Variants in PCDHA10 observed in about 807,000 individuals in gnomAD.
The protein encoded by PCDHA10 is protocadherin alpha 10, also known as protocadherin alpha-10.
A neutral mutation model predicts 61.2 loss-of-function variants in PCDHA10; 45 were observed. That is an observed-to-expected ratio of 0.74 (90% CI 0.58 to 0.94). The LOEUF is 0.94. Ranked by LOEUF, PCDHA10 falls within the 40% of genes least tolerant of loss-of-function variation. The pLI, the probability that PCDHA10 is intolerant of heterozygous loss-of-function variation, is 0.00. For synonymous variants in PCDHA10, 602 were observed against 548.8 expected, an observed-to-expected ratio of 1.10 and a Z score of -1.35; for missense variants, 1,278 against 1,236.2, an observed-to-expected ratio of 1.03 and a Z score of -0.51.
intron 1 of PCDHA10, chr5:140,865,406 G>A (rs899888055): frequency 4.6e-5 from 7 of 152,130 alleles, no homozygotes; most frequent in African/African-American, 1.4e-4. Flanking sequence ...ATGCTGAAAA[G>A]GAATTAGTAG....
intron 1 of PCDHA10, among the ~76,000 whole-genome samples, chr5:140,951,214 T>C (rs994639576): frequency 1.3e-5 from 2 of 152,218 alleles, no homozygotes; most frequent in African/African-American, 2.4e-5. Context: ...ATCTCAGGTT[T>C]GGATTCTTGA....
At chr5:140,985,310 TG>T (rs1563522847) in intron 3 of PCDHA10, among the ~76,000 whole-genome samples, 2 of 152,196 alleles carry the variant, frequency 1.3e-5, no homozygotes, top group African/African-American at 4.8e-5. Flanking sequence ...GATAGCCTGG[TG>T]GCCAGAATTC....
chr5:140,914,473 G>A (rs1162580496), intron 1 of PCDHA10, among the ~76,000 whole-genome samples: 1 of 152,116 alleles, frequency 6.6e-6, no homozygotes, highest in Admixed American at 6.6e-5. Flanking sequence ...TATCTTCATA[G>A]GTGAAGTGTT....
chr5:140,909,343 C>G (rs148713510), intron 1 of PCDHA10, among the ~76,000 whole-genome samples: 2 of 152,264 alleles, frequency 1.3e-5, no homozygotes, highest in African/African-American at 4.8e-5. Context: ...ATACCAGGTA[C>G]CAAGAGATGT....
chr5:140,986,736 A>C (rs1056820843), intron 3 of PCDHA10, among the ~76,000 whole-genome samples: 1 of 152,206 alleles, frequency 6.6e-6, no homozygotes, highest in South Asian at 2.1e-4. Context: ...TCAAGACCCC[A>C]GGGGATCTGG....
In PCDHA10 at chr5:140,941,764, A is replaced by G. The variant is rs116374830; in HGVS notation, c.2389-37185A>G. 5.7e-3 allele frequency among the ~76,000 whole-genome samples: 869 copies of G among 152,306 alleles called. 7 individuals are homozygous for G. Among genetic ancestry groups the G allele is most frequent in the African/African-American group, 0.018 (768 of 41,560 alleles). ...TTATCAGATTTTCAGTGCTTTTAAG[A>G]TAATTGTTTTAATGTTTTACCCAAG... On this transcript the variant is annotated intron_variant, in intron 1 of 3. Coordinates refer to ENST00000307360, the MANE Select transcript of PCDHA10 (RefSeq NM_018901.4).
intron 1 of PCDHA10, among the ~76,000 whole-genome samples, chr5:140,947,229 G>GA (rs201242412): frequency 9.4e-5 from 14 of 148,904 alleles, no homozygotes; most frequent in South Asian, 2.1e-4. Context: ...TTTATGACAG[G>GA]AAAAAAAAAT....
At chr5:140,877,116 C>T in intron 1 of PCDHA10, 4 of 1,613,672 alleles carry the variant, frequency 2.5e-6, no homozygotes, top group Non-Finnish European at 2.5e-6. Context: ...TGGGCAGCAA[C>T]GTGACGCTGC....
chr5:140,868,900 G>A (rs2050728202), intron 1 of PCDHA10: 1 of 811,546 alleles, frequency 1.2e-6, no homozygotes, highest in Non-Finnish European at 1.9e-6. Flanking sequence ...GCAAGGTGTC[G>A]CTCTTTACTT....
chr5:140,856,264 C>A lies in PCDHA10; in HGVS notation c.216C>A (p.Asp72Glu), dbSNP rs1309055685. The change falls in exon 1 of 4, where the codon GAC (aspartate) becomes GAA (glutamate). Residue 72 changes from aspartate to glutamate, a missense_variant. Physicochemically the swap from Asp to Glu is conservative, Grantham distance 45 (BLOSUM62 2). Coordinates refer to ENST00000307360, the MANE Select transcript of PCDHA10 (RefSeq NM_018901.4). ...GGGTGGCGTCCAAAAGACACGGGGA[C>A]CTTCTGGAGGTAAATCTGCAGAATG... ...LFRVASKRHG[D>E]LLEVNLQNGI... is the part of the protein sequence containing the mutation. 7 of 1,598,114 alleles carry A rather than the reference C, an allele frequency of 4.4e-6. No homozygotes were observed. The highest frequency in any genetic ancestry group is 3.3e-5 in the South Asian group (3 of 90,516).
At chr5:140,868,633 C>T (rs1554162141) in intron 1 of PCDHA10, 1 of 154,552 alleles carries the variant, frequency 6.5e-6, no homozygotes, top group Non-Finnish European at 1.4e-5. Flanking sequence ...AATTCTCTTT[C>T]TCTCTCACTC....
At chr5:140,991,205 A>C (rs1403144779) in intron 3 of PCDHA10, among the ~76,000 whole-genome samples, 3 of 152,226 alleles carry the variant, frequency 2.0e-5, no homozygotes, top group Admixed American at 2.0e-4. Context: ...TGCTCAATAA[A>C]TTTTGTTAAA....
chr5:140,882,926 C>A (rs144073627), intron 1 of PCDHA10: 1 of 1,614,058 alleles, frequency 6.2e-7, no homozygotes, highest in Non-Finnish European at 8.5e-7. Flanking sequence ...TGGAGGTAAA[C>A]CCGAGCTGAC....
intron 1 of PCDHA10, among the ~76,000 whole-genome samples, chr5:140,963,203 AAAAC>A (rs1457721166): frequency 6.6e-6 from 1 of 152,100 alleles, no homozygotes; most frequent in African/African-American, 2.4e-5. Context: ...AATGAAAAAA[AAAAC>A]CTCGTGTTTA....
chr5:140,957,948 G>C (rs2153715688), intron 1 of PCDHA10, among the ~76,000 whole-genome samples: 1 of 152,152 alleles, frequency 6.6e-6, no homozygotes, highest in Non-Finnish European at 1.5e-5. Flanking sequence ...AGATCTTTAA[G>C]ACTATTAATT....
chr5:140,870,823 G>A (rs971082881), intron 1 of PCDHA10: 1 of 1,613,762 alleles, frequency 6.2e-7, no homozygotes, highest in Non-Finnish European at 8.5e-7. Flanking sequence ...CAGCGCGGGA[G>A]GCGCAGTTAA....
chr5:140,988,558 T>C lies in PCDHA10; in HGVS notation c.2536+5995T>C, dbSNP rs982984587. ...CCATTCATGACTTTCTTCATCTTCT[T>C]CTTGGGAAAACACTCTGTACCTTCC... On this transcript the variant is annotated intron_variant, in intron 3 of 3. Transcript: ENST00000307360. 3.9e-5 allele frequency among the ~76,000 whole-genome samples: 6 copies of C among 152,198 alleles called. 1 individual carries two copies. Among genetic ancestry groups the C allele is most frequent in the Admixed American group, 3.9e-4 (6 of 15,276 alleles).
At chr5:140,860,259 A>T (rs559860776) in intron 1 of PCDHA10, 1 of 151,706 alleles carries the variant, frequency 6.6e-6, no homozygotes. Flanking sequence ...TTTAGTCCCT[A>T]CTGTAGTGCT....
At chr5:140,996,495 G>A (rs2097728470) in intron 3 of PCDHA10, among the ~76,000 whole-genome samples, 2 of 152,156 alleles carry the variant, frequency 1.3e-5, no homozygotes, top group South Asian at 4.1e-4. Context: ...GGCAAGTCTG[G>A]CTTCTTGGGG....
Sources: allele counts gnomAD v4.1 joint callset (sites outside exome capture counted in the v4.1 genomes callset), GRCh38; gene constraint gnomAD v4.1.1; transcripts MANE v1.5; gene names NCBI Gene and HGNC (gene_info 2026-07-23, HGNC 2026-07-21).